The following BRIP1 variants were observed in gnomAD, a reference collection of about 807,000 sequenced individuals.
BRIP1 encodes the protein BRCA1 interacting DNA helicase 1, also known as Fanconi anemia group J protein.
Under a neutral mutation model 119.7 loss-of-function variants are expected in BRIP1, and 88 were observed. That is an observed-to-expected ratio of 0.74 (90% CI 0.62 to 0.88). The LOEUF is 0.88. BRIP1 is among the 40% of genes least tolerant of loss of function. The pLI is 0.00. For missense variants in BRIP1, 1,259 were observed against 1,455.4 expected (o/e 0.87, Z 2.20); for synonymous variants, 443 against 496.5 (o/e 0.89, Z 1.43).
Position 61,744,915 on chromosome 17 carries a change from C to T in BRIP1, c.2098-324G>A, listed in dbSNP as rs1354489598. ...CTATTATCTTGGCAATTTCTACCACCACCACCACTACTACTACTACTACTA... is the reference window on the plus strand; with the variant it reads ...CTATTATCTTGGCAATTTCTACCACTACCACCACTACTACTACTACTACTA... On this transcript the variant is annotated intron_variant, in intron 14 of 19. Transcript: ENST00000259008. The surrounding 1 kb of genome is among the most constrained non-coding windows in gnomAD (Gnocchi z 5.0). Among the ~76,000 whole-genome samples the T allele has an allele frequency of 6.6e-6, 1 of 151,674 alleles. No homozygotes were observed. The highest frequency in any genetic ancestry group is 1.9e-4 in the East Asian group (1 of 5,184).
Position 61,832,424 on chromosome 17 carries a change from A to G in BRIP1, c.627+14677T>C, listed in dbSNP as rs2078506949. On this transcript the variant is annotated intron_variant, in intron 6 of 19. Transcript: ENST00000259008. This position sits in a 1 kb window ranked among gnomAD's most constrained non-coding sequence, Gnocchi z 5.5. Reference sequence around the variant, plus strand: ...CATAAAGTCCTCTTTTATAAAGGCAAAAAGATAACTGTAAAGTTATATTTT... The same window carrying G: ...CATAAAGTCCTCTTTTATAAAGGCAGAAAGATAACTGTAAAGTTATATTTT... Among the ~76,000 whole-genome samples the G allele has an allele frequency of 6.6e-6, 1 of 152,222 alleles. No individual in the cohort carries two copies. Among genetic ancestry groups the G allele is most frequent in the Non-Finnish European group, 1.5e-5 (1 of 68,020 alleles).
chr17:61,686,227 A>C lies in BRIP1; in HGVS notation c.2576-62T>G. The C allele has an allele frequency of 1.4e-6, 2 of 1,402,440 alleles. No individual in the cohort carries two copies. The allele number at this position is 1,402,440 out of a possible 1,614,324, so 86.9% of individuals were successfully genotyped here. A position where few individuals can be genotyped will look rare whatever the true frequency, so the allele number is the denominator to read the frequency against. ...CTTAGTTATTAAAATATTACATGCTAAGGTAATACACTTGCTTTTTCTAGT... is the reference window on the plus strand; with the variant it reads ...CTTAGTTATTAAAATATTACATGCTCAGGTAATACACTTGCTTTTTCTAGT... On this transcript the variant is annotated intron_variant, in intron 18 of 19. Coordinates refer to ENST00000259008, the MANE Select transcript of BRIP1 (RefSeq NM_032043.3). This position sits in a 1 kb window ranked among gnomAD's most constrained non-coding sequence, Gnocchi z 5.4.
chr17:61,850,952 G>A (rs1471935096), intron 4 of BRIP1, among the ~76,000 whole-genome samples: 1 of 150,934 alleles, frequency 6.6e-6, no homozygotes, highest in Non-Finnish European at 1.5e-5. Context: ...TTGCAGCTGG[G>A]CACGGTGGCT....
In BRIP1 at chr17:61,722,378, A is replaced by G. The variant is rs1261063275; in HGVS notation, c.2380-6315T>C. The stretch of plus-strand genomic sequence containing the variant: ...TTTAGGGCAACATAAGTAGTAAATG[A>G]TAACATAACACCATAGTAAATATTA... On this transcript the variant is annotated intron_variant, in intron 16 of 19. Coordinates refer to ENST00000259008, the MANE Select transcript of BRIP1 (RefSeq NM_032043.3). The surrounding 1 kb of genome is among the most constrained non-coding windows in gnomAD (Gnocchi z 4.6). Among the ~76,000 whole-genome samples the G allele has an allele frequency of 2.0e-5, 3 of 152,174 alleles. No homozygotes were observed. Among genetic ancestry groups the G allele is most frequent in the African/African-American group, 7.2e-5 (3 of 41,444 alleles).
rs1010106873 is a variant in BRIP1 at position 61,805,207 on chromosome 17, A to G, written c.918+3260T>C. Among the ~76,000 whole-genome samples, 1 of 152,146 alleles carries G rather than the reference A, an allele frequency of 6.6e-6. No individual in the cohort carries two copies. Among genetic ancestry groups the G allele is most frequent in the Admixed American group, 6.5e-5 (1 of 15,268 alleles). ...CTAGAAACAAAGTAAACCATAAGAG[A>G]TTCATAACCTATAAAAGAATGTCAG... On this transcript the variant is annotated intron_variant, in intron 7 of 19. Coordinates refer to ENST00000259008, the MANE Select transcript of BRIP1 (RefSeq NM_032043.3). This position sits in a 1 kb window ranked among gnomAD's most constrained non-coding sequence, Gnocchi z 5.6.
rs1446637947 is a variant in BRIP1, at chr17:61,758,409, A to G, written c.2098-13818T>C. ...AGGCTGAGGGAAGCAGATGAATAAG[A>G]AGCAACCACTATAATGTTACCTAAA... On this transcript the variant is annotated intron_variant, in intron 14 of 19. Coordinates refer to ENST00000259008, the MANE Select transcript of BRIP1 (RefSeq NM_032043.3). This position sits in a 1 kb window ranked among gnomAD's most constrained non-coding sequence, Gnocchi z 5.3. Among the ~76,000 whole-genome samples the G allele has an allele frequency of 2.0e-5, 3 of 152,232 alleles. No individual in the cohort carries two copies. Among genetic ancestry groups the G allele is most frequent in the African/African-American group, 7.2e-5 (3 of 41,474 alleles).
chr17:61,793,510 T>TACTC lies in BRIP1; in HGVS notation c.1473+83_1473+86dup. ...ATTGCTATATTTAACAATTCTGGGT[T>TACTC]ACTCACTAGATTTAATCTGGATTTA... On this transcript the variant is annotated intron_variant, in intron 10 of 19. Transcript: ENST00000259008. The surrounding 1 kb of genome is among the most constrained non-coding windows in gnomAD (Gnocchi z 5.2). 1 of 1,268,162 alleles carries TACTC rather than the reference T, an allele frequency of 7.9e-7. No individual in the cohort carries two copies. The highest frequency in any genetic ancestry group is 2.5e-5 in the East Asian group (1 of 40,166). The allele number at this position is 1,268,162 out of a possible 1,614,324, so 78.6% of individuals were successfully genotyped here. A position where few individuals can be genotyped will look rare whatever the true frequency, so the allele number is the denominator to read the frequency against.
Position 61,710,912 on chromosome 17 carries a change from G to A in BRIP1, c.2492+5039C>T, listed in dbSNP as rs1269284307. On this transcript the variant is annotated intron_variant, in intron 17 of 19. Transcript: ENST00000259008. The surrounding 1 kb of genome is among the most constrained non-coding windows in gnomAD (Gnocchi z 5.4). The stretch of plus-strand genomic sequence containing the variant: ...AAAAATTAGCTGGGCATGGTAGTGC[G>A]TGCCTGTAATCTCAGCTACTCAAGA... 6.6e-6 allele frequency among the ~76,000 whole-genome samples: 1 copy of A among 151,628 alleles called. No individual in the cohort carries two copies. The highest frequency in any genetic ancestry group is 1.5e-5 in the Non-Finnish European group (1 of 67,928).
chr17:61,857,949 A>G lies in BRIP1; in HGVS notation c.206-718T>C, dbSNP rs2078920463. 6.6e-6 allele frequency among the ~76,000 whole-genome samples: 1 copy of G among 152,184 alleles called. No homozygotes were observed. Among genetic ancestry groups the G allele is most frequent in the East Asian group, 1.9e-4 (1 of 5,198 alleles). Reference sequence around the variant, plus strand: ...AGAATTTGAAAGTTCAATATATTAGATAATAATCTAACACATAAGGGTTAA... The same window carrying G: ...AGAATTTGAAAGTTCAATATATTAGGTAATAATCTAACACATAAGGGTTAA... On this transcript the variant is annotated intron_variant, in intron 3 of 19. Transcript: ENST00000259008. The surrounding 1 kb of genome is among the most constrained non-coding windows in gnomAD (Gnocchi z 5.1).
intron 16 of BRIP1, among the ~76,000 whole-genome samples, chr17:61,718,732 T>C (rs1036888717): frequency 1.4e-4 from 22 of 152,172 alleles, no homozygotes; most frequent in African/African-American, 4.1e-4. Context: ...TCTGGTGCAA[T>C]TGTAGTATTC....
chr17:61,721,422 A>C (rs916718118), intron 16 of BRIP1, among the ~76,000 whole-genome samples: 3 of 151,914 alleles, frequency 2.0e-5, no homozygotes, highest in African/African-American at 7.3e-5. Flanking sequence ...GGCGTGTGCC[A>C]CCACGCCCAG....
At position 61,708,028 on chromosome 17, in the gene BRIP1, G is replaced by T. The variant is rs2061719175; in HGVS notation, c.2492+7923C>A. On this transcript the variant is annotated intron_variant, in intron 17 of 19. Transcript: ENST00000259008. The surrounding 1 kb of genome is among the most constrained non-coding windows in gnomAD (Gnocchi z 4.4). ...TACCTGGCTAATTTTTGTATTTTTA[G>T]TAGAGATGGGGTTTCACCATGTTGG... is the stretch of plus-strand genomic sequence containing the variant. Among the ~76,000 whole-genome samples, 1 of 152,018 alleles carries T rather than the reference G, an allele frequency of 6.6e-6. No individual in the cohort carries two copies. The highest frequency in any genetic ancestry group is 1.5e-5 in the Non-Finnish European group (1 of 68,014).
Position 61,828,414 on chromosome 17 carries a change from A to G in BRIP1, c.627+18687T>C, listed in dbSNP as rs1032016818. Among the ~76,000 whole-genome samples, 1 of 152,172 alleles carries G rather than the reference A, an allele frequency of 6.6e-6. No individual in the cohort carries two copies. The highest frequency in any genetic ancestry group is 2.4e-5 in the African/African-American group (1 of 41,456). On this transcript the variant is annotated intron_variant, in intron 6 of 19. Coordinates refer to ENST00000259008, the MANE Select transcript of BRIP1 (RefSeq NM_032043.3). The surrounding 1 kb of genome is among the most constrained non-coding windows in gnomAD (Gnocchi z 4.1). The stretch of plus-strand genomic sequence containing the variant: ...TCCTGGGGCTGGACAATAGGGAAAT[A>G]CAGAGATATTGTTTCATGGGTATGG...
Position 61,739,836 on chromosome 17 carries a change from C to T in BRIP1, c.2379+3177G>A, listed in dbSNP as rs920164389. On this transcript the variant is annotated intron_variant, in intron 16 of 19. Coordinates refer to ENST00000259008, the MANE Select transcript of BRIP1 (RefSeq NM_032043.3). The surrounding 1 kb of genome is among the most constrained non-coding windows in gnomAD (Gnocchi z 6.0). ...CTGTAGGAAGTAAAAGAAAATCCTCCTTGATGAACAATAAGTTCAACTTAG... is the reference window on the plus strand; with the variant it reads ...CTGTAGGAAGTAAAAGAAAATCCTCTTTGATGAACAATAAGTTCAACTTAG... Among the ~76,000 whole-genome samples the T allele has an allele frequency of 2.6e-5, 4 of 152,106 alleles. No individual in the cohort carries two copies. The South Asian group carries it at 8.3e-4, about 31-fold the overall frequency.
chr17:61,685,675 T>C, intron 19 of BRIP1, 161 bp downstream of exon 19: 1 of 684,602 alleles, frequency 1.5e-6, no homozygotes, highest in Admixed American at 3.0e-5. Flanking sequence ...CAAAAGTTTG[T>C]TCCCATTACA....
At position 61,861,611 on chromosome 17, in the gene BRIP1, A is replaced by G. The variant is rs1362364066; in HGVS notation, c.-30-42T>C. 1 of 1,161,004 alleles carries G rather than the reference A, an allele frequency of 8.6e-7. No homozygotes were observed. The highest frequency in any genetic ancestry group is 2.4e-5 in the East Asian group (1 of 42,394). 71.9% of individuals were successfully genotyped at this position (1,161,004 alleles called of 1,614,324 possible). On this transcript the variant is annotated intron_variant, in intron 1 of 19. Coordinates refer to ENST00000259008, the MANE Select transcript of BRIP1 (RefSeq NM_032043.3). The surrounding 1 kb of genome is among the most constrained non-coding windows in gnomAD (Gnocchi z 4.5). Reference sequence around the variant, plus strand: ...AATGTCAAATATTGAGACACGCCTTACAAAGAAAACCAGAGAACCAAAACT... The same window carrying G: ...AATGTCAAATATTGAGACACGCCTTGCAAAGAAAACCAGAGAACCAAAACT...
In BRIP1 at chr17:61,861,576, C is replaced by T. The variant is rs758477620; in HGVS notation, c.-30-7G>A. ...GTTTATTTCAGATTCCTAACTACAACAGAAATGAAAATGTCAAATATTGAG... is the reference window on the plus strand; with the variant it reads ...GTTTATTTCAGATTCCTAACTACAATAGAAATGAAAATGTCAAATATTGAG... On this transcript the variant is annotated splice_region_variant and splice_polypyrimidine_tract_variant and intron_variant, in intron 1 of 19. Transcript: ENST00000259008. This position sits in a 1 kb window ranked among gnomAD's most constrained non-coding sequence, Gnocchi z 4.5. The T allele has an allele frequency of 4.7e-6, 7 of 1,474,280 alleles. No homozygotes were observed. The East Asian group carries it at 1.6e-4, about 33-fold the overall frequency. 91.3% of individuals were successfully genotyped at this position (1,474,280 alleles called of 1,614,324 possible).
intron 14 of BRIP1, among the ~76,000 whole-genome samples, chr17:61,773,820 C>T (rs896039506): frequency 6.6e-6 from 1 of 152,052 alleles, no homozygotes; most frequent in Non-Finnish European, 1.5e-5. Flanking sequence ...ATGCAGCCAA[C>T]AGACACATGA....
chr17:61,826,275 CA>C (rs1379926123), intron 6 of BRIP1, among the ~76,000 whole-genome samples: 2 of 152,048 alleles, frequency 1.3e-5, no homozygotes, highest in African/African-American at 4.8e-5. Context: ...AAATGTAAAA[CA>C]AAAACTATAA....
Sources: gnomAD v4.1 joint callset for allele counts (sites outside exome capture counted in the v4.1 genomes callset) on GRCh38, gnomAD v4.1.1 for gene constraint, Gnocchi (gnomAD v3.1) non-coding constraint, MANE v1.5 for transcripts, NCBI Gene and HGNC (gene_info 2026-07-23, HGNC 2026-07-21) for gene names.